DRC9: variants seen among roughly 807,000 people sequenced by gnomAD.
The protein encoded by DRC9 is dynein regulatory complex protein 9.
At chr3:197,903,923 A>G in the DRC9 span, among the ~76,000 whole-genome samples, 26 of 151,212 alleles carry the variant, frequency 1.7e-4, no homozygotes, top group Non-Finnish European at 4.4e-5. Context: ...CGCCTGGGCA[A>G]CAATAGTGAG....
At chr3:197,955,910 G>T in the DRC9 span, 2 of 741,306 alleles carry the variant, frequency 2.7e-6, no homozygotes, top group Admixed American at 2.0e-5. Flanking sequence ...AGTACAAGGG[G>T]GTCAGAGAGA....
chr3:197,946,434 C>CAA, the DRC9 span, among the ~76,000 whole-genome samples: 15,525 of 72,232 alleles, frequency 0.21, 1,535 homozygotes, highest in African/African-American at 0.32. Context: ...GACTCCGTCT[C>CAA]AAAAAAAAAA....
the DRC9 span, chr3:197,950,071 T>G: frequency 0.048 from 55,926 of 1,159,078 alleles, 1,526 homozygotes; most frequent in African/African-American, 0.087. Flanking sequence ...GAATGTGGCT[T>G]ATTTCAGTGC....
the DRC9 span, among the ~76,000 whole-genome samples, chr3:197,933,071 T>C: frequency 2.6e-4 from 37 of 140,722 alleles, no homozygotes; most frequent in Admixed American, 2.8e-3. Context: ...ATTATACATA[T>C]ATATATAAAA....
the DRC9 span, chr3:197,913,770 G>A: frequency 2.6e-6 from 3 of 1,135,674 alleles, no homozygotes; most frequent in Non-Finnish European, 4.0e-6. Flanking sequence ...GGCTGTTGCC[G>A]ATAGAGATGG....
At chr3:197,908,736 TC>T in the DRC9 span, among the ~76,000 whole-genome samples, 1 of 146,580 alleles carries the variant, frequency 6.8e-6, no homozygotes, top group African/African-American at 2.6e-5. Context: ...AGCAACCCTT[TC>T]CCAGGCATCC....
chr3:197,889,578 G>C, the DRC9 span: 1 of 1,614,080 alleles, frequency 6.2e-7, no homozygotes, highest in Non-Finnish European at 8.5e-7. Context: ...AAGAGAACTT[G>C]GTCACTTCTT....
At chr3:197,939,335 G>C in the DRC9 span, among the ~76,000 whole-genome samples, 1 of 152,240 alleles carries the variant, frequency 6.6e-6, no homozygotes, top group Non-Finnish European at 1.5e-5. Flanking sequence ...AGCAGAGGTT[G>C]ATAGTACATT....
the DRC9 span, among the ~76,000 whole-genome samples, chr3:197,895,699 G>T: frequency 6.6e-6 from 1 of 152,110 alleles, no homozygotes; most frequent in East Asian, 1.9e-4. Flanking sequence ...TTGACCGGGT[G>T]CCGTGGCTCA....
chr3:197,898,008 C>T, the DRC9 span, among the ~76,000 whole-genome samples: 1 of 150,298 alleles, frequency 6.7e-6, no homozygotes, highest in Non-Finnish European at 1.5e-5. Flanking sequence ...GTCTCGATCT[C>T]CTGACCTCGT....
chr3:197,953,670 C>T, the DRC9 span: 7 of 433,868 alleles, frequency 1.6e-5, no homozygotes, highest in East Asian at 1.8e-4. Context: ...GGTAATTCCT[C>T]CTTTCTGTAC....
chr3:197,922,440 T>C, the DRC9 span, among the ~76,000 whole-genome samples: 1 of 152,162 alleles, frequency 6.6e-6, no homozygotes, highest in Non-Finnish European at 1.5e-5. Flanking sequence ...GCACAGTGGC[T>C]CACATCTGTA....
the DRC9 span, among the ~76,000 whole-genome samples, chr3:197,899,376 C>T: frequency 6.6e-6 from 1 of 152,160 alleles, no homozygotes; most frequent in Non-Finnish European, 1.5e-5. Flanking sequence ...AACAAAGCAG[C>T]ACCAAAAAAT....
chr3:197,953,705 T>C, the DRC9 span: 1 of 460,942 alleles, frequency 2.2e-6, no homozygotes, highest in Non-Finnish European at 4.0e-6. Flanking sequence ...ACACTTGTCC[T>C]TTTTTGCTAT....
the DRC9 span, chr3:197,951,774 C>A: frequency 5.7e-6 from 1 of 176,808 alleles, no homozygotes; most frequent in South Asian, 1.0e-4. Context: ...TCTTGGCTCG[C>A]TGCAGCCTCT....
At chr3:197,932,071 G>A in the DRC9 span, 10 of 1,260,210 alleles carry the variant, frequency 7.9e-6, no homozygotes, top group African/African-American at 1.5e-5. Context: ...TATCTTCCCT[G>A]GAAAGCACAC....
the DRC9 span, among the ~76,000 whole-genome samples, chr3:197,919,251 G>A: frequency 2.6e-5 from 4 of 152,190 alleles, no homozygotes; most frequent in African/African-American, 4.8e-5. Context: ...GGCCCTCCAC[G>A]GTGACCGTGT....
chr3:197,948,442 T>C, the DRC9 span, among the ~76,000 whole-genome samples: 1 of 152,206 alleles, frequency 6.6e-6, no homozygotes. Flanking sequence ...ACTAGACAAC[T>C]GTTCCATGAA....
At chr3:197,912,859 G>GA in the DRC9 span, 1 of 845,888 alleles carries the variant, frequency 1.2e-6, no homozygotes, top group Admixed American at 1.9e-5. Flanking sequence ...TTTACCAGCT[G>GA]GGATCCCGGG....
Sources: gnomAD v4.1 joint callset for allele counts (sites outside exome capture counted in the v4.1 genomes callset) on GRCh38, gnomAD v4.1.1 for gene constraint, MANE v1.5 for transcripts, NCBI Gene and HGNC (gene_info 2026-07-23, HGNC 2026-07-21) for gene names.